PHF20L1: variants seen among roughly 807,000 people sequenced by gnomAD.
PHF20L1 encodes PHD finger protein 20-like protein 1.
PHF20L1 carries 44 observed loss-of-function variants against 125.5 expected under a neutral mutation model. That is an observed-to-expected ratio of 0.35 (90% CI 0.28 to 0.45). The LOEUF (loss-of-function observed/expected upper bound fraction) is 0.45, where lower values mean the gene tolerates loss of function less well. Among genes scored for constraint, PHF20L1 ranks in the 20% least tolerant of loss-of-function variants. The probability of loss-of-function intolerance (pLI) is 1.00; values close to 1 mark genes in which losing one functional copy is unlikely to be tolerated. For missense variants in PHF20L1, 1,012 were observed against 1,217.2 expected (o/e 0.83, Z 2.51); for synonymous variants, 380 against 403.1 (o/e 0.94, Z 0.69).
At chr8:132,836,814 T>C in intron 16 of PHF20L1, 93 bp downstream of exon 16, 1 of 865,996 alleles carries the variant, frequency 1.2e-6, no homozygotes, top group African/African-American at 1.7e-5. Flanking sequence ...CTGACTGTAC[T>C]ACTGAAGATA....
Position 132,804,733 on chromosome 8 carries a change from G to T in PHF20L1, c.840G>T (p.Lys280Asn), listed in dbSNP as rs1408531016. 6.3e-7 allele frequency: 1 copy of T among 1,599,650 alleles called. No individual in the cohort carries two copies. Among genetic ancestry groups the T allele is most frequent in the Non-Finnish European group, 8.5e-7 (1 of 1,174,240 alleles). The stretch of plus-strand genomic sequence containing the variant: ...AGGCAAAGAGAGCTCGACTTAACAA[G>T]ATTACTGGTAAACTACAATGATTTT... ...SFQAKRARLN[K>N]ITGLLASKAV... is the part of the protein sequence containing the mutation. Residue 280 changes from lysine to asparagine, a missense_variant, in exon 8 of 21, where the codon AAG becomes AAT. Coordinates refer to ENST00000395386, the MANE Select transcript of PHF20L1 (RefSeq NM_016018.5).
chr8:132,789,002 G>T (rs1321651648), intron 2 of PHF20L1: 1 of 152,092 alleles, frequency 6.6e-6, no homozygotes, highest in Non-Finnish European at 1.5e-5. Context: ...TCTAGTGGGT[G>T]AGTCCAGACC....
At chr8:132,827,886 C>T (rs1836365757) in intron 14 of PHF20L1, among the ~76,000 whole-genome samples, 1 of 152,022 alleles carries the variant, frequency 6.6e-6, no homozygotes, top group Admixed American at 6.6e-5. Context: ...TGCACAGAAA[C>T]ATTGCTGTTT....
chr8:132,820,072 G>A (rs997204056), intron 12 of PHF20L1, among the ~76,000 whole-genome samples: 6 of 151,636 alleles, frequency 4.0e-5, no homozygotes, highest in Admixed American at 6.6e-5. Context: ...ATAATCTCTC[G>A]TATGTTCTTC....
intron 9 of PHF20L1, chr8:132,812,292 TAATAA>T (rs1203032374): frequency 1.0e-6 from 1 of 984,868 alleles, no homozygotes; most frequent in Non-Finnish European, 1.2e-6. Flanking sequence ...GGGACTTGGG[TAATAA>T]AATGTTTCTG....
rs371137583 is a variant in PHF20L1, at chr8:132,804,620, C to G, written c.727C>G (p.His243Asp). Residue 243 changes from histidine to aspartate, a missense_variant, in exon 8 of 21, where the codon CAT becomes GAT. By Grantham distance (81) the His-to-Asp change is moderately conservative (BLOSUM62 -1). This residue lies in a region of PHF20L1 where 134 missense variants were observed against 145.9 expected (regional missense o/e 0.92). Transcript: ENST00000395386. ...LPTSSETFGL[H>D]VENVPKMVFP... is the part of the protein sequence containing the mutation. Reference sequence around the variant, plus strand: ...ATGTGTTCTGTTGAAAGTAGGACTTCATGTAGAGAACGTTCCAAAGATGGT... The same window carrying G: ...ATGTGTTCTGTTGAAAGTAGGACTTGATGTAGAGAACGTTCCAAAGATGGT... 4 of 1,604,668 alleles carry G rather than the reference C, an allele frequency of 2.5e-6. No individual in the cohort carries two copies. In the African/African-American group the frequency reaches 5.4e-5, roughly 22 times the overall value.
intron 2 of PHF20L1, among the ~76,000 whole-genome samples, chr8:132,794,122 T>A (rs183146426): frequency 2.0e-4 from 31 of 152,264 alleles, no homozygotes; most frequent in Admixed American, 9.8e-4. Context: ...GGTCAGAAAG[T>A]AGGAATATGT....
At chr8:132,807,207 T>A (rs1833831947) in intron 8 of PHF20L1, 1 of 158,492 alleles carries the variant, frequency 6.3e-6, no homozygotes, top group Non-Finnish European at 1.4e-5. Context: ...GTGCAATATA[T>A]ATATACACAC....
chr8:132,824,250 CTTT>C (rs1389260347), intron 13 of PHF20L1, 190 bp downstream of exon 13: 11 of 401,510 alleles, frequency 2.7e-5, no homozygotes, highest in Non-Finnish European at 5.0e-5. Flanking sequence ...TTATATGTAA[CTTT>C]TTTGTCAAGA....
chr8:132,793,295 G>A (rs1831983711), intron 2 of PHF20L1, among the ~76,000 whole-genome samples: 1 of 152,182 alleles, frequency 6.6e-6, no homozygotes, highest in Non-Finnish European at 1.5e-5. Context: ...TTAGATCAAA[G>A]TGGGGTTGAA....
rs1833518926 is a variant in PHF20L1 at position 132,805,003 on chromosome 8, A to T, written c.847+263A>T. On this transcript the variant is annotated intron_variant, in intron 8 of 20. Transcript: ENST00000395386. ...GATAAGGACAAATGCTACAAAGCTC[A>T]GTGATTTTTAAATTACATTTGTGGT... Among the ~76,000 whole-genome samples, 3 of 152,058 alleles carry T rather than the reference A, an allele frequency of 2.0e-5. No homozygotes were observed. In the South Asian group the frequency reaches 6.2e-4, roughly 31 times the overall value.
chr8:132,807,400 A>T (rs1187740536), intron 8 of PHF20L1: 1 of 163,546 alleles, frequency 6.1e-6, no homozygotes, highest in Non-Finnish European at 1.3e-5. Flanking sequence ...ATGTCAAGGG[A>T]ATAAAGGAAA....
rs901561248 is a variant in PHF20L1, at chr8:132,837,802, G to C, written c.2182G>C (p.Asp728His). ...PEQYICYICR[D>H]PPGQRWSAKY... ...GCAGTACATCTGCTATATCTGCCGG[G>C]ACCCACCAGGTAAGGCTTTCTGTGC... The change falls in exon 17 of 21, where the codon GAC (aspartate) becomes CAC (histidine). Residue 728 changes from aspartate (D) to histidine (H), a missense_variant. Physicochemically the swap from Asp to His is moderately conservative, Grantham distance 81. Coordinates refer to ENST00000395386, the MANE Select transcript of PHF20L1 (RefSeq NM_016018.5). The C allele has an allele frequency of 1.2e-6, 2 of 1,611,016 alleles. No homozygotes were observed. The highest frequency in any genetic ancestry group is 2.7e-5 in the African/African-American group (2 of 74,920).
chr8:132,807,650 CTT>C (rs1311195013), intron 8 of PHF20L1: 2 of 443,922 alleles, frequency 4.5e-6, no homozygotes, highest in African/African-American at 4.1e-5. Flanking sequence ...AATGTAACCA[CTT>C]TGCTCTTTCT....
chr8:132,816,927 A>G lies in PHF20L1; in HGVS notation c.1223A>G (p.His408Arg), dbSNP rs1426830831. ...QPVNPPRPFK[H>R]SERRRRSQRL... ...GTGAATCCCCCTAGACCTTTCAAGCATAGTGAGCGGAGAAGAAGATCTCAG... is the reference window on the plus strand; with the variant it reads ...GTGAATCCCCCTAGACCTTTCAAGCGTAGTGAGCGGAGAAGAAGATCTCAG... Residue 408 changes from histidine (H) to arginine (R), a missense_variant, in exon 11 of 21, where the codon CAT (histidine) becomes CGT (arginine). Coordinates refer to ENST00000395386, the MANE Select transcript of PHF20L1 (RefSeq NM_016018.5). The G allele has an allele frequency of 2.3e-5, 37 of 1,612,300 alleles. No homozygotes were observed. Among genetic ancestry groups the G allele is most frequent in the Non-Finnish European group, 3.1e-5 (36 of 1,178,914 alleles).
chr8:132,838,039 C>T (rs1048548487), intron 17 of PHF20L1: 8 of 403,596 alleles, frequency 2.0e-5, no homozygotes, highest in Admixed American at 3.5e-5. Context: ...ATTCAGTGTG[C>T]CAGTTTCCAA....
At chr8:132,843,455 T>C (rs576344102) in intron 19 of PHF20L1, 51 of 980,822 alleles carry the variant, frequency 5.2e-5, no homozygotes, top group East Asian at 2.3e-4. Context: ...ATGTTTTTTT[T>C]CTGCATTCCT....
In PHF20L1 at chr8:132,837,742, G is replaced by T; in HGVS notation, c.2122G>T (p.Val708Leu). 6.2e-7 allele frequency: 1 copy of T among 1,613,020 alleles called. No homozygotes were observed. The highest frequency in any genetic ancestry group is 1.1e-5 in the South Asian group (1 of 91,066). ...CEECLCWQHS[V>L]CMGLLEESIP... Reference sequence around the variant, plus strand: ...AGAGTGCTTGTGTTGGCAACACAGCGTGTGCATGGGGCTGCTGGAGGAGAG... The same window carrying T: ...AGAGTGCTTGTGTTGGCAACACAGCTTGTGCATGGGGCTGCTGGAGGAGAG... Residue 708 changes from valine (V) to leucine (L), a missense_variant, in exon 17 of 21, where the codon GTG becomes TTG. Physicochemically the swap from Val to Leu is conservative, Grantham distance 32 (BLOSUM62 1). This residue lies in a region of PHF20L1 where 55 missense variants were observed against 114.8 expected (regional missense o/e 0.48). Transcript: ENST00000395386.
intron 14 of PHF20L1, among the ~76,000 whole-genome samples, chr8:132,827,753 C>T (rs1052974127): frequency 2.6e-5 from 4 of 151,964 alleles, no homozygotes; most frequent in Non-Finnish European, 2.9e-5. Context: ...GCCATTAAAA[C>T]GTACTTTAAA....
Sources: allele counts gnomAD v4.1 joint callset (sites outside exome capture counted in the v4.1 genomes callset), GRCh38; gene constraint gnomAD v4.1.1; regional missense constraint gnomAD v4.1.1; transcripts MANE v1.5; gene names NCBI Gene and HGNC (gene_info 2026-07-23, HGNC 2026-07-21).